SCUBE2: variants seen among roughly 807,000 people sequenced by gnomAD.
SCUBE2 encodes the protein signal peptide, CUB and EGF-like domain-containing protein 2.
In SCUBE2, 114 loss-of-function variants were observed where a neutral mutation model predicts 125.9. That is an observed-to-expected ratio of 0.91 (90% confidence interval 0.78 to 1.06). The LOEUF (loss-of-function observed/expected upper bound fraction) is 1.06. Among genes scored for constraint, SCUBE2 ranks in the 50% least tolerant of loss-of-function variants. The pLI is 0.00. For missense variants in SCUBE2, 1,255 were observed against 1,301.8 expected (o/e 0.96, Z 0.55); for synonymous variants, 459 against 492.9 (o/e 0.93, Z 0.91).
At chr11:9,066,929 G>T in intron 5 of SCUBE2, 116 bp from the exon 6 acceptor site, 1 of 793,130 alleles carries the variant, frequency 1.3e-6, no homozygotes, top group Non-Finnish European at 2.1e-6. Flanking sequence ...CCTAGTGCAT[G>T]CCAGGCATGG....
At position 9,031,790 on chromosome 11, in the gene SCUBE2, T is replaced by C. The variant is rs1302167552; in HGVS notation, c.2174-865A>G. 2.6e-5 allele frequency among the ~76,000 whole-genome samples: 4 copies of C among 152,252 alleles called. No homozygotes were observed. In the South Asian group the frequency reaches 8.3e-4, roughly 31 times the overall value. On this transcript the variant is annotated intron_variant, in intron 17 of 22. Transcript: ENST00000649792. ...CCTCAGGAATTAGTCATTGGCAAGA[T>C]GCTATCAAAATCTGCTATCTATCTC...
chr11:9,026,496 T>A (rs542434940), intron 20 of SCUBE2: 1 of 153,532 alleles, frequency 6.5e-6, no homozygotes, highest in African/African-American at 2.4e-5. Context: ...CAGGCTGGAG[T>A]GCAGTGGCAT....
rs746573111 is a variant in SCUBE2 at position 9,065,929 on chromosome 11, ACCACTGAT to A, written c.804_811del (p.Ser269GlyfsTer4). The A allele has an allele frequency of 6.2e-7, 1 of 1,614,086 alleles. No homozygotes were observed. Among genetic ancestry groups the A allele is most frequent in the Non-Finnish European group, 8.5e-7 (1 of 1,180,000 alleles). On this transcript the variant is annotated frameshift_variant, in exon 7 of 23. Coordinates refer to ENST00000649792, the MANE Select transcript of SCUBE2 (RefSeq NM_001367977.2). LOFTEE classifies it high-confidence loss of function. The stretch of plus-strand genomic sequence containing the variant: ...CCGTTTCACCCGTTTATCCCCATCC[ACCACTGAT>A]GTGGTGTTGCTCTCTGTCACCTCCA...
In SCUBE2 at chr11:9,030,757, C is replaced by T. The variant is rs777749295; in HGVS notation, c.2341+1G>A. 2 of 1,612,878 alleles carry T rather than the reference C, an allele frequency of 1.2e-6. No homozygotes were observed. Among genetic ancestry groups the T allele is most frequent in the South Asian group, 2.2e-5 (2 of 90,718 alleles). On this transcript the variant is annotated splice_donor_variant, in intron 18 of 22. Transcript: ENST00000649792. LOFTEE classifies it high-confidence loss of function. Reference sequence around the variant, plus strand: ...AAAAAGGCAAGCTGCCAAGTACTCACCTCTGGTTTCACAGTCCTGAAAGGA... The same window carrying T: ...AAAAAGGCAAGCTGCCAAGTACTCATCTCTGGTTTCACAGTCCTGAAAGGA...
intron 2 of SCUBE2, among the ~76,000 whole-genome samples, chr11:9,084,310 G>C (rs1175090697): frequency 1.3e-5 from 2 of 152,206 alleles, no homozygotes; most frequent in Admixed American, 1.3e-4. Flanking sequence ...TAATAAATAA[G>C]TGGGGACGAG....
chr11:9,081,407 A>G (rs561550429), intron 2 of SCUBE2, among the ~76,000 whole-genome samples: 2,551 of 152,196 alleles, frequency 0.017, 69 homozygotes, highest in African/African-American at 0.058. Flanking sequence ...TATGATTTTG[A>G]CTACTCTAAG....
intron 3 of SCUBE2, among the ~76,000 whole-genome samples, chr11:9,075,827 G>A (rs117617654): frequency 4.3e-4 from 65 of 152,342 alleles, no homozygotes; most frequent in South Asian, 1.9e-3. Flanking sequence ...AAGACTGGGC[G>A]GACAAGGTGC....
In SCUBE2 at chr11:9,089,770, T is replaced by C. The variant is rs146786045; in HGVS notation, c.193A>G (p.Thr65Ala). The change falls in exon 2 of 23, where the codon ACA (threonine) becomes GCA (alanine). Residue 65 changes from threonine to alanine, a missense_variant. Physicochemically the swap from Thr to Ala is moderately conservative, Grantham distance 58. Around this residue, in one of 3 missense-constraint regions of SCUBE2, gnomAD observed 362 missense variants for 323.0 expected, o/e 1.12. Transcript: ENST00000649792. Reference protein sequence around the residue: ...DCHADALCQNTPTSYKCSCKP... With the variant: ...DCHADALCQNAPTSYKCSCKP... Reference sequence around the variant, plus strand: ...CAGGAGCACTTGTAGGAGGTGGGTGTGTTCTGACACAGGGCGTCGGCATGG... The same window carrying C: ...CAGGAGCACTTGTAGGAGGTGGGTGCGTTCTGACACAGGGCGTCGGCATGG... 1 of 1,613,928 alleles carries C rather than the reference T, an allele frequency of 6.2e-7. No individual in the cohort carries two copies. Among genetic ancestry groups the C allele is most frequent in the African/African-American group, 1.3e-5 (1 of 74,996 alleles).
chr11:9,047,412 G>A lies in SCUBE2; in HGVS notation c.1946C>T (p.Ser649Phe). The stretch of plus-strand genomic sequence containing the variant: ...TCCACAGGACTCTGCCTGGCGTTCA[G>A]ATGTTCTGGGAGGCTTTTTAGCCAC... Reference protein sequence around the residue: ...LDVAKKPPRTSERQAESCGVG... With the variant: ...LDVAKKPPRTFERQAESCGVG... The change falls in exon 16 of 23, where the codon TCT becomes TTT. Residue 649 changes from serine to phenylalanine, a missense_variant. Transcript: ENST00000649792. 6.2e-7 allele frequency: 1 copy of A among 1,614,178 alleles called. No homozygotes were observed. Among genetic ancestry groups the A allele is most frequent in the Admixed American group, 1.7e-5 (1 of 60,016 alleles).
chr11:9,032,275 C>T (rs1217825916), intron 17 of SCUBE2, among the ~76,000 whole-genome samples: 1 of 151,996 alleles, frequency 6.6e-6, no homozygotes, highest in Admixed American at 6.6e-5. Flanking sequence ...CCACCACGCT[C>T]AGCTATTTTT....
At position 9,030,812 on chromosome 11, in the gene SCUBE2, C is replaced by T; in HGVS notation, c.2287G>A (p.Gly763Ser). The change falls in exon 18 of 23, where the codon GGC (glycine) becomes AGC (serine). Residue 763 changes from glycine to serine, a missense_variant. By Grantham distance (56) the Gly-to-Ser change is moderately conservative (BLOSUM62 0). Coordinates refer to ENST00000649792, the MANE Select transcript of SCUBE2 (RefSeq NM_001367977.2). ...GCTCCCTGATGTTTGGTGGCAAGGC[C>T]TCCTCCACAGGGGAAGCAGGAAGTT... ...GRTSCFPCGG[G>S]LATKHQGATS... The T allele has an allele frequency of 1.2e-6, 2 of 1,614,222 alleles. No homozygotes were observed. Among genetic ancestry groups the T allele is most frequent in the Non-Finnish European group, 1.7e-6 (2 of 1,180,020 alleles).
intron 21 of SCUBE2, 106 bp downstream of exon 21, chr11:9,025,596 C>T: frequency 5.0e-6 from 7 of 1,393,226 alleles, no homozygotes; most frequent in Non-Finnish European, 6.8e-6. Flanking sequence ...CTCATCTTGC[C>T]TGCCTTTCTG....
intron 3 of SCUBE2, among the ~76,000 whole-genome samples, chr11:9,075,599 C>T (rs918098405): frequency 6.6e-6 from 1 of 152,206 alleles, no homozygotes; most frequent in Non-Finnish European, 1.5e-5. Flanking sequence ...GAAGTGCCTA[C>T]TTAATTTGGG....
At chr11:9,060,352 C>T in intron 8 of SCUBE2, 56 bp downstream of exon 8, 2 of 1,336,820 alleles carry the variant, frequency 1.5e-6, no homozygotes, top group Non-Finnish European at 2.2e-6. Context: ...ATGTTAGCGG[C>T]ATGGGCCCTC....
At chr11:9,075,947 A>G (rs540300610) in intron 3 of SCUBE2, among the ~76,000 whole-genome samples, 24 of 152,296 alleles carry the variant, frequency 1.6e-4, no homozygotes, top group African/African-American at 5.3e-4. Context: ...CTGGGTACAG[A>G]AATGGGAATG....
chr11:9,080,507 C>A (rs1296852379), intron 2 of SCUBE2, among the ~76,000 whole-genome samples: 1 of 151,852 alleles, frequency 6.6e-6, no homozygotes. Context: ...CAAAATTAGC[C>A]AGATGTGGTG....
chr11:9,041,166 T>C (rs1034375876), intron 16 of SCUBE2, among the ~76,000 whole-genome samples: 1 of 152,260 alleles, frequency 6.6e-6, no homozygotes, highest in Non-Finnish European at 1.5e-5. Flanking sequence ...TCTTGTTCTG[T>C]CTTTTGTGAT....
rs558139730 is a variant in SCUBE2, at chr11:9,075,193, C to T, written c.383-578G>A. On this transcript the variant is annotated intron_variant, in intron 3 of 22. Transcript: ENST00000649792. ...CTGCACTCCAGCCTGGGCCTCAGAG[C>T]GAGACGCCATCTAAAAAAAAAAAAA... Among the ~76,000 whole-genome samples the T allele has an allele frequency of 8.0e-5, 10 of 125,660 alleles. No homozygotes were observed. The South Asian group carries it at 1.0e-3, about 13-fold the overall frequency. The allele number at this position is 125,660 out of a possible 152,430, so 82.4% of individuals were successfully genotyped here. A position where few individuals can be genotyped will look rare whatever the true frequency, so the allele number is the denominator to read the frequency against.
intron 2 of SCUBE2, 109 bp from the exon 3 acceptor site, chr11:9,079,618 C>T (rs1193023183): frequency 8.7e-7 from 1 of 1,155,960 alleles, no homozygotes; most frequent in Middle Eastern, 2.0e-4. Flanking sequence ...GAAAATACAT[C>T]CCTAACAATA....
Sources: allele counts gnomAD v4.1 joint callset (sites outside exome capture counted in the v4.1 genomes callset), GRCh38; gene constraint gnomAD v4.1.1; regional missense constraint gnomAD v4.1.1; transcripts MANE v1.5; gene names NCBI Gene and HGNC (gene_info 2026-07-23, HGNC 2026-07-21).